The following ERMAP variants were observed in gnomAD, a reference collection of about 807,000 sequenced individuals.
The protein encoded by ERMAP is erythroblast membrane associated protein (Scianna blood group), also known as erythroid membrane-associated protein.
Under a neutral mutation model 49.5 loss-of-function variants are expected in ERMAP, and 34 were observed. The observed-to-expected ratio is 0.69, with a 90% CI of 0.52 to 0.91. ERMAP has a LOEUF of 0.91. Ranked by LOEUF, ERMAP falls within the 40% of genes least tolerant of loss-of-function variation. The pLI is 0.00. For missense variants in ERMAP, 541 were observed against 582.6 expected (o/e 0.93, Z 0.74); for synonymous variants, 214 against 232.2 (o/e 0.92, Z 0.71).
chr1:42,832,038 C>T (rs1163357832), intron 4 of ERMAP, among the ~76,000 whole-genome samples: 1 of 152,186 alleles, frequency 6.6e-6, no homozygotes, highest in Admixed American at 6.5e-5. Context: ...ATGACACTGG[C>T]TTCACATGGT....
At chr1:42,828,977 AG>A (rs1191444910) in intron 2 of ERMAP, among the ~76,000 whole-genome samples, 1 of 152,208 alleles carries the variant, frequency 6.6e-6, no homozygotes, top group Non-Finnish European at 1.5e-5. Context: ...TTTTGGGATT[AG>A]GGATAACGCC....
At chr1:42,826,728 C>T (rs1228245816) in intron 2 of ERMAP, among the ~76,000 whole-genome samples, 4 of 151,802 alleles carry the variant, frequency 2.6e-5, no homozygotes, top group East Asian at 1.9e-4. Flanking sequence ...TGGTGGTGTG[C>T]GCCTGTAGTC....
At chr1:42,837,676 G>GT (rs1357033351) in intron 7 of ERMAP, 1 of 152,076 alleles carries the variant, frequency 6.6e-6, no homozygotes, top group African/African-American at 2.4e-5. Flanking sequence ...TTACCTGATT[G>GT]TTTTCAGTGT....
Position 42,817,250 on chromosome 1 carries a change from G to C in ERMAP, c.-125G>C, listed in dbSNP as rs1167236961. 8.0e-7 allele frequency: 1 copy of C among 1,253,216 alleles called. No individual in the cohort carries two copies. The highest frequency in any genetic ancestry group is 1.0e-6 in the Non-Finnish European group (1 of 972,446). 77.6% of individuals were successfully genotyped at this position (1,253,216 alleles called of 1,614,324 possible). ...GCCGAGTCGCAGACAACGCCTCCGGGAGGGTAATCCTCGCCTTCCCCCGAC... is the reference window on the plus strand; with the variant it reads ...GCCGAGTCGCAGACAACGCCTCCGGCAGGGTAATCCTCGCCTTCCCCCGAC... On this transcript the variant is annotated 5_prime_UTR_variant, in exon 1 of 12. Transcript: ENST00000372517.
chr1:42,830,638 C>T, intron 3 of ERMAP, 105 bp downstream of exon 3: 1 of 1,470,376 alleles, frequency 6.8e-7, no homozygotes, highest in Non-Finnish European at 9.3e-7. Context: ...GTTCTGTTCC[C>T]CCGGCCCTGG....
chr1:42,817,677 T>C (rs1654284562), intron 1 of ERMAP: 1 of 152,692 alleles, frequency 6.5e-6, no homozygotes, highest in Non-Finnish European at 1.5e-5. Context: ...GAGGATCAAG[T>C]GAGATCCCGT....
intron 1 of ERMAP, chr1:42,825,399 AG>A (rs775077953): frequency 5.7e-6 from 5 of 871,836 alleles, no homozygotes; most frequent in Non-Finnish European, 6.9e-6. Flanking sequence ...TTGGAGGAAA[AG>A]GGAGTGGAGG....
Position 42,817,282 on chromosome 1 carries a change from AC to A in ERMAP, c.-122+32del, listed in dbSNP as rs1209865462. On this transcript the variant is annotated intron_variant, in intron 1 of 11. Transcript: ENST00000372517. ...ATCCTCGCCTTCCCCCGACCACTGG[AC>A]CCAGCGCTGCCTGCCCACCGCCCCT... The A allele has an allele frequency of 1.3e-5, 16 of 1,221,352 alleles. No individual in the cohort carries two copies. In the African/African-American group the frequency reaches 2.6e-4, roughly 20 times the overall value. The allele number at this position is 1,221,352 out of a possible 1,614,324, so 75.7% of individuals were successfully genotyped here.
rs1655142135 is a variant in ERMAP at position 42,843,928 on chromosome 1, C to T, written c.*696C>T. 2.5e-6 allele frequency: 1 copy of T among 396,844 alleles called. No homozygotes were observed. The highest frequency in any genetic ancestry group is 4.4e-6 in the Non-Finnish European group (1 of 225,516). 24.6% of individuals were successfully genotyped at this position (396,844 alleles called of 1,614,324 possible). On this transcript the variant is annotated 3_prime_UTR_variant, in exon 12 of 12. Transcript: ENST00000372517. ...CAGTTGCTATAATCCTGAAAAGCCC[C>T]AGGAGCACATCAGGGAGCTGGGAAA...
intron 7 of ERMAP, 133 bp downstream of exon 7, chr1:42,837,323 GAT>G: frequency 1.0e-6 from 1 of 991,712 alleles, no homozygotes; most frequent in African/African-American, 1.6e-5. Flanking sequence ...ATCCTCCATT[GAT>G]ATTACTGGAA....
At chr1:42,840,088 A>T (rs1655013636) in intron 9 of ERMAP, 35 bp downstream of exon 9, 3 of 1,614,148 alleles carry the variant, frequency 1.9e-6, no homozygotes, top group Non-Finnish European at 2.5e-6. Context: ...TTCCGTACCA[A>T]CTTATCTCCT....
In ERMAP at chr1:42,843,768, TGAGTAAAACATACC is replaced by T. The variant is rs1188547521; in HGVS notation, c.*537_*550del. On this transcript the variant is annotated 3_prime_UTR_variant, in exon 12 of 12. Transcript: ENST00000372517. ...TCAGGAATGAATTGGGAAAGGCTGATGAGTAAAACATACCATCCTTTTCTATTTTCTTGATGCTG... is the reference window on the plus strand; with the variant it reads ...TCAGGAATGAATTGGGAAAGGCTGATATCCTTTTCTATTTTCTTGATGCTG... The T allele has an allele frequency of 1.4e-5, 4 of 285,088 alleles. No individual in the cohort carries two copies. Among genetic ancestry groups the T allele is most frequent in the African/African-American group, 8.7e-5 (4 of 45,992 alleles). 17.7% of individuals were successfully genotyped at this position (285,088 alleles called of 1,614,324 possible). A position where few individuals can be genotyped will look rare whatever the true frequency, so the allele number is the denominator to read the frequency against.
intron 2 of ERMAP, among the ~76,000 whole-genome samples, chr1:42,827,511 A>C (rs2124300298): frequency 6.6e-6 from 1 of 152,324 alleles, no homozygotes; most frequent in East Asian, 1.9e-4. Context: ...AGTTATGTAC[A>C]TGCATAGAAA....
rs147712296 is a variant in ERMAP, at chr1:42,843,323, C to G, written c.*91C>G. Reference sequence around the variant, plus strand: ...CCAACCCCATGATTATGGAACGTCTCTTCACCTTAACCCAAATCCAGACCC... The same window carrying G: ...CCAACCCCATGATTATGGAACGTCTGTTCACCTTAACCCAAATCCAGACCC... On this transcript the variant is annotated 3_prime_UTR_variant, in exon 12 of 12. Transcript: ENST00000372517. 7 of 932,340 alleles carry G rather than the reference C, an allele frequency of 7.5e-6. No individual in the cohort carries two copies. The East Asian group carries it at 1.8e-4, about 25-fold the overall frequency. 57.8% of individuals were successfully genotyped at this position (932,340 alleles called of 1,614,324 possible).
chr1:42,831,080 T>G lies in ERMAP; in HGVS notation c.398T>G (p.Leu133Arg). ...SYRCLIQVGN[L>R]SKEDTVILQV... Reference sequence around the variant, plus strand: ...CGATGTCTGATCCAAGTTGGAAATCTGAGTAAAGAGGACACCGTGATCCTG... The same window carrying G: ...CGATGTCTGATCCAAGTTGGAAATCGGAGTAAAGAGGACACCGTGATCCTG... The change falls in exon 4 of 12, where the codon CTG (leucine) becomes CGG (arginine). Residue 133 changes from leucine to arginine, a missense_variant. By Grantham distance (102) the Leu-to-Arg change is moderately radical. Coordinates refer to ENST00000372517, the MANE Select transcript of ERMAP (RefSeq NM_001017922.2). 6.2e-7 allele frequency: 1 copy of G among 1,614,248 alleles called. No homozygotes were observed.
rs1222848113 is a variant in ERMAP, at chr1:42,843,700, A to G, written c.*468A>G. The G allele has an allele frequency of 1.4e-5, 2 of 144,970 alleles. No individual in the cohort carries two copies. The highest frequency in any genetic ancestry group is 3.3e-5 in the African/African-American group (1 of 30,366). The allele number at this position is 144,970 out of a possible 1,614,324, so 9.0% of individuals were successfully genotyped here. On this transcript the variant is annotated 3_prime_UTR_variant, in exon 12 of 12. Transcript: ENST00000372517. Reference sequence around the variant, plus strand: ...CTCTGCCCCCCAAAGTCAGCTCTCTAAAAGCAAGCATGTTTTAGACCACTC... The same window carrying G: ...CTCTGCCCCCCAAAGTCAGCTCTCTGAAAGCAAGCATGTTTTAGACCACTC...
rs11809718 is a variant in ERMAP, at chr1:42,843,696, C to T, written c.*464C>T. On this transcript the variant is annotated 3_prime_UTR_variant, in exon 12 of 12. Transcript: ENST00000372517. ...TGGCCTCTGCCCCCCAAAGTCAGCTCTCTAAAAGCAAGCATGTTTTAGACC... is the reference window on the plus strand; with the variant it reads ...TGGCCTCTGCCCCCCAAAGTCAGCTTTCTAAAAGCAAGCATGTTTTAGACC... 1,640 of 160,914 alleles carry T rather than the reference C, an allele frequency of 0.01. 22 individuals are homozygous for T. Among genetic ancestry groups the T allele is most frequent in the African/African-American group, 0.045 (1,551 of 34,104 alleles). The allele number at this position is 160,914 out of a possible 1,614,324, so 10.0% of individuals were successfully genotyped here. A position where few individuals can be genotyped will look rare whatever the true frequency, so the allele number is the denominator to read the frequency against.
chr1:42,838,721 C>A (rs922740517), intron 7 of ERMAP, among the ~76,000 whole-genome samples, 180 bp from the exon 8 acceptor site: 3 of 152,172 alleles, frequency 2.0e-5, no homozygotes, highest in Admixed American at 2.0e-4. Context: ...GTCACTGGGA[C>A]AGTGTCACCA....
rs767928266 is a variant in ERMAP, at chr1:42,835,780, TG to T, written c.583+22del. 3 of 1,604,536 alleles carry T rather than the reference TG, an allele frequency of 1.9e-6. No homozygotes were observed. The highest frequency in any genetic ancestry group is 2.3e-5 in the East Asian group (1 of 44,206). ...ACGGAGGTGGGTAAGTGTTCTTGGC[TG>T]GGGGGCAGGGGAGATGTTTCTTTTG... On this transcript the variant is annotated intron_variant, in intron 6 of 11. Transcript: ENST00000372517.
Sources: gnomAD v4.1 joint callset for allele counts (sites outside exome capture counted in the v4.1 genomes callset) on GRCh38, gnomAD v4.1.1 for gene constraint, MANE v1.5 for transcripts, NCBI Gene and HGNC (gene_info 2026-07-23, HGNC 2026-07-21) for gene names.